EPB41L2: variants seen among roughly 807,000 people sequenced by gnomAD.
EPB41L2 encodes erythrocyte membrane protein band 4.1 like 2.
EPB41L2 carries 43 observed loss-of-function variants against 113.0 expected under a neutral mutation model. That is an observed-to-expected ratio of 0.38 (90% CI 0.30 to 0.49). The LOEUF (loss-of-function observed/expected upper bound fraction) is 0.49. Ranked by LOEUF, EPB41L2 falls within the 20% of genes least tolerant of loss-of-function variation. EPB41L2 has a pLI of 0.95. For missense variants in EPB41L2, 1,147 were observed against 1,223.4 expected (o/e 0.94, Z 0.93); for synonymous variants, 442 against 436.7 (o/e 1.01, Z -0.15).
intron 19 of EPB41L2, among the ~76,000 whole-genome samples, chr6:130,850,425 CCAT>C (rs1327844724): frequency 6.6e-6 from 1 of 152,054 alleles, no homozygotes; most frequent in South Asian, 2.1e-4. Flanking sequence ...TTTAAGTAAA[CCAT>C]CACTCATCCA....
At chr6:130,920,320 T>C (rs1170879944) in intron 4 of EPB41L2, among the ~76,000 whole-genome samples, 1 of 152,212 alleles carries the variant, frequency 6.6e-6, no homozygotes, top group African/African-American at 2.4e-5. Context: ...TCAATAGCCA[T>C]ATGCAGCTAA....
At chr6:130,908,308 T>C (rs530654079) in intron 5 of EPB41L2, among the ~76,000 whole-genome samples, 1 of 152,278 alleles carries the variant, frequency 6.6e-6, no homozygotes, top group African/African-American at 2.4e-5. Context: ...TGGCCTTGGA[T>C]TGTAGAACCA....
intron 1 of EPB41L2, among the ~76,000 whole-genome samples, chr6:131,055,090 C>G (rs974266715): frequency 6.6e-6 from 1 of 152,136 alleles, no homozygotes; most frequent in Non-Finnish European, 1.5e-5. Flanking sequence ...TGATCATGAC[C>G]CTCATTCTTT....
At position 131,012,591 on chromosome 6, in the gene EPB41L2, T is replaced by A. The variant is rs144783491; in HGVS notation, c.-15+50564A>T. 1.5e-3 allele frequency among the ~76,000 whole-genome samples: 223 copies of A among 151,300 alleles called. 1 individual carries two copies. Among genetic ancestry groups the A allele is most frequent in the Non-Finnish European group, 2.5e-3 (171 of 67,914 alleles). On this transcript the variant is annotated intron_variant, in intron 1 of 19. Transcript: ENST00000337057. ...AAATATTGAGATGAGAAAAAGATTA[T>A]GCCATATTGGTCTACTGCCTGCATT...
intron 1 of EPB41L2, among the ~76,000 whole-genome samples, chr6:130,959,018 G>A (rs1583952448): frequency 6.6e-6 from 1 of 152,158 alleles, no homozygotes; most frequent in East Asian, 1.9e-4. Flanking sequence ...GAAGACGATG[G>A]TCTATATATA....
chr6:131,042,162 T>C (rs1181319836), intron 1 of EPB41L2, among the ~76,000 whole-genome samples: 3 of 152,130 alleles, frequency 2.0e-5, no homozygotes, highest in South Asian at 2.1e-4. Context: ...ACCTCCATTA[T>C]AAAAAGTATT....
chr6:130,984,664 T>G (rs117136901), intron 1 of EPB41L2, among the ~76,000 whole-genome samples: 1 of 152,182 alleles, frequency 6.6e-6, no homozygotes, highest in Non-Finnish European at 1.5e-5. Flanking sequence ...TGTAAATGCA[T>G]TTTTAAAAAG....
At chr6:130,954,400 C>T (rs971832498) in intron 3 of EPB41L2, among the ~76,000 whole-genome samples, 6 of 152,052 alleles carry the variant, frequency 3.9e-5, no homozygotes, top group African/African-American at 7.2e-5. Context: ...CTAAGTTCCC[C>T]GTTGTAACAT....
intron 1 of EPB41L2, among the ~76,000 whole-genome samples, chr6:130,989,411 C>T (rs1781321841): frequency 6.6e-6 from 1 of 151,922 alleles, no homozygotes; most frequent in African/African-American, 2.4e-5. Context: ...GAGAAGTATG[C>T]CTTTATAATC....
intron 10 of EPB41L2, among the ~76,000 whole-genome samples, chr6:130,893,419 C>T: frequency 6.6e-6 from 1 of 152,142 alleles, no homozygotes; most frequent in East Asian, 1.9e-4. Flanking sequence ...CAAGAACACT[C>T]ATGCACAGCT....
At chr6:131,002,230 G>A (rs1300948574) in intron 1 of EPB41L2, among the ~76,000 whole-genome samples, 1 of 152,096 alleles carries the variant, frequency 6.6e-6, no homozygotes, top group African/African-American at 2.4e-5. Flanking sequence ...ACAGAGAAGA[G>A]ACCTTGTCCT....
At chr6:130,850,628 T>C (rs1344483622) in intron 19 of EPB41L2, among the ~76,000 whole-genome samples, 1 of 152,222 alleles carries the variant, frequency 6.6e-6, no homozygotes, top group Non-Finnish European at 1.5e-5. Flanking sequence ...TCTCTATCTC[T>C]GGGAGCATGG....
At chr6:130,957,762 C>T (rs904437003) in intron 1 of EPB41L2, among the ~76,000 whole-genome samples, 4 of 152,026 alleles carry the variant, frequency 2.6e-5, no homozygotes, top group Non-Finnish European at 4.4e-5. Flanking sequence ...TTAAAGTATA[C>T]AGTTAGTGAT....
intron 3 of EPB41L2, among the ~76,000 whole-genome samples, chr6:130,929,859 A>C (rs538846092): frequency 0.012 from 954 of 81,306 alleles, 20 homozygotes; most frequent in African/African-American, 0.051. Flanking sequence ...ACAGACAGTC[A>C]CACACACACA....
intron 1 of EPB41L2, among the ~76,000 whole-genome samples, chr6:131,028,820 T>G (rs1235161215): frequency 6.6e-6 from 1 of 152,232 alleles, no homozygotes; most frequent in Non-Finnish European, 1.5e-5. Context: ...GTGACTCAAA[T>G]GCTCTAAGTA....
intron 1 of EPB41L2, among the ~76,000 whole-genome samples, chr6:131,035,933 A>T (rs917723743): frequency 6.6e-6 from 1 of 152,192 alleles, no homozygotes; most frequent in African/African-American, 2.4e-5. Context: ...AGACCCTCTA[A>T]GTTGATTAGA....
At chr6:130,913,459 A>G (rs950556884) in intron 4 of EPB41L2, among the ~76,000 whole-genome samples, 1 of 152,084 alleles carries the variant, frequency 6.6e-6, no homozygotes, top group Non-Finnish European at 1.5e-5. Flanking sequence ...CAGTACTACA[A>G]CTTTGCAAGG....
intron 11 of EPB41L2, among the ~76,000 whole-genome samples, chr6:130,888,215 G>A (rs972581386): frequency 1.3e-5 from 2 of 152,092 alleles, no homozygotes; most frequent in Non-Finnish European, 2.9e-5. Context: ...GGGAAAAAAC[G>A]GAGAATATAA....
At chr6:130,940,465 T>A (rs1221672580) in intron 3 of EPB41L2, among the ~76,000 whole-genome samples, 2 of 138,648 alleles carry the variant, frequency 1.4e-5, no homozygotes, top group Non-Finnish European at 3.1e-5. Context: ...TAAATATATC[T>A]TTTTTTTTTT....
Sources: allele counts gnomAD v4.1 joint callset (sites outside exome capture counted in the v4.1 genomes callset), GRCh38; gene constraint gnomAD v4.1.1; transcripts MANE v1.5; gene names NCBI Gene and HGNC (gene_info 2026-07-23, HGNC 2026-07-21).